The following AKAP19 variants were observed in gnomAD, a reference collection of about 807,000 sequenced individuals.
The protein encoded by AKAP19 is A-kinase anchoring protein 19.
chr2:190,140,899 T>C, the AKAP19 span, among the ~76,000 whole-genome samples: 1 of 152,176 alleles, frequency 6.6e-6, no homozygotes, highest in African/African-American at 2.4e-5. Flanking sequence ...AACGTTTGTG[T>C]TCTGCTTCTT....
the AKAP19 span, among the ~76,000 whole-genome samples, chr2:190,010,519 A>G: frequency 6.6e-6 from 1 of 152,156 alleles, no homozygotes; most frequent in Non-Finnish European, 1.5e-5. Flanking sequence ...TCAGAGCTTT[A>G]TAGTCATAAA....
chr2:190,117,407 G>A, the AKAP19 span, among the ~76,000 whole-genome samples: 1 of 151,954 alleles, frequency 6.6e-6, no homozygotes, highest in Non-Finnish European at 1.5e-5. Flanking sequence ...GTATACAATA[G>A]GTTAGCTTTC....
At chr2:189,893,808 G>A in the AKAP19 span, among the ~76,000 whole-genome samples, 1 of 152,082 alleles carries the variant, frequency 6.6e-6, no homozygotes, top group Non-Finnish European at 1.5e-5. Context: ...CAATATAGGA[G>A]TATGTACATA....
At chr2:190,059,139 T>C in the AKAP19 span, among the ~76,000 whole-genome samples, 8 of 151,912 alleles carry the variant, frequency 5.3e-5, no homozygotes, top group African/African-American at 9.7e-5. Context: ...CATTGAATGA[T>C]TACAAAGGTA....
chr2:190,004,472 T>C, the AKAP19 span, among the ~76,000 whole-genome samples: 1 of 91,488 alleles, frequency 1.1e-5, no homozygotes, highest in Non-Finnish European at 3.0e-5. Flanking sequence ...ATCTCTACCT[T>C]ATCACCTATT....
At chr2:190,057,468 G>A in the AKAP19 span, 3 of 1,613,354 alleles carry the variant, frequency 1.9e-6, no homozygotes, top group Non-Finnish European at 2.5e-6. Flanking sequence ...AGCAGTAATT[G>A]GCCTTATATC....
At chr2:189,977,077 G>A in the AKAP19 span, among the ~76,000 whole-genome samples, 2 of 152,158 alleles carry the variant, frequency 1.3e-5, no homozygotes, top group Non-Finnish European at 2.9e-5. Context: ...CTCACGCTGG[G>A]AGCTGTAGAC....
the AKAP19 span, among the ~76,000 whole-genome samples, chr2:190,100,414 C>A: frequency 9.9e-4 from 151 of 152,292 alleles, no homozygotes; most frequent in African/African-American, 3.4e-3. Flanking sequence ...TGTAAGGAAT[C>A]CAGTTCTTTC....
chr2:190,135,296 G>C, the AKAP19 span, among the ~76,000 whole-genome samples: 1 of 152,106 alleles, frequency 6.6e-6, no homozygotes, highest in African/African-American at 2.4e-5. Flanking sequence ...TGCTACTTAA[G>C]GTGTGGAACG....
At chr2:189,966,810 T>A in the AKAP19 span, among the ~76,000 whole-genome samples, 1 of 152,198 alleles carries the variant, frequency 6.6e-6, no homozygotes, top group African/African-American at 2.4e-5. Context: ...ATATATTACT[T>A]CTTACAATTT....
chr2:190,035,549 G>A, the AKAP19 span, among the ~76,000 whole-genome samples: 3 of 152,044 alleles, frequency 2.0e-5, no homozygotes, highest in Non-Finnish European at 4.4e-5. Flanking sequence ...CCCATGGGCT[G>A]TGTGCTGAGA....
the AKAP19 span, among the ~76,000 whole-genome samples, chr2:190,091,910 G>A: frequency 6.6e-6 from 1 of 151,936 alleles, no homozygotes; most frequent in East Asian, 1.9e-4. Context: ...CCTTTATTCA[G>A]GAGTAATTAA....
At chr2:190,197,406 A>T in the AKAP19 span, among the ~76,000 whole-genome samples, 1 of 152,200 alleles carries the variant, frequency 6.6e-6, no homozygotes, top group African/African-American at 2.4e-5. The surrounding 1 kb of genome is among the most constrained non-coding windows in gnomAD (Gnocchi z 4.0). Context: ...GTCCTAGAGG[A>T]AGTAATCGTT....
chr2:190,146,660 T>C, the AKAP19 span, among the ~76,000 whole-genome samples: 2 of 152,230 alleles, frequency 1.3e-5, no homozygotes, highest in Non-Finnish European at 2.9e-5. Flanking sequence ...CATGCAAGCA[T>C]CCACTGTTTT....
At chr2:190,084,758 C>T in the AKAP19 span, among the ~76,000 whole-genome samples, 1 of 152,150 alleles carries the variant, frequency 6.6e-6, no homozygotes, top group Non-Finnish European at 1.5e-5. Flanking sequence ...TCAACCTTGG[C>T]TTTGATATTT....
At chr2:189,907,487 TA>T in the AKAP19 span, among the ~76,000 whole-genome samples, 1 of 152,082 alleles carries the variant, frequency 6.6e-6, no homozygotes, top group African/African-American at 2.4e-5. Flanking sequence ...TATCATTCTG[TA>T]AAAAAATGCA....
At chr2:190,095,157 G>A in the AKAP19 span, among the ~76,000 whole-genome samples, 1 of 152,100 alleles carries the variant, frequency 6.6e-6, no homozygotes, top group Non-Finnish European at 1.5e-5. Flanking sequence ...AGGAGGCGGA[G>A]GTTACAGTGA....
chr2:190,115,277 A>ATATATATATATATATATATG, the AKAP19 span, among the ~76,000 whole-genome samples: 1 of 3,602 alleles, frequency 2.8e-4, no homozygotes, highest in African/African-American at 1.2e-3. Flanking sequence ...ATATATATAT[A>ATATATATATATATATATATG]TATATATATA....
At chr2:190,146,092 TGCACCCATCACCC>T in the AKAP19 span, among the ~76,000 whole-genome samples, 1 of 152,058 alleles carries the variant, frequency 6.6e-6, no homozygotes, top group Admixed American at 6.6e-5. Flanking sequence ...AAGATTTTGG[TGCACCCATCACCC>T]GAGCAGTATA....
Sources: gnomAD v4.1 joint callset for allele counts (sites outside exome capture counted in the v4.1 genomes callset) on GRCh38, gnomAD v4.1.1 for gene constraint, Gnocchi (gnomAD v3.1) non-coding constraint, MANE v1.5 for transcripts, NCBI Gene and HGNC (gene_info 2026-07-23, HGNC 2026-07-21) for gene names.